The following TRIM14 variants were observed in gnomAD, a reference collection of about 807,000 sequenced individuals.
The protein encoded by TRIM14 is tripartite motif-containing protein 14.
A neutral mutation model predicts 44.5 loss-of-function variants in TRIM14; 28 were observed. The observed-to-expected ratio is 0.63, with a 90% CI of 0.47 to 0.86. The LOEUF (loss-of-function observed/expected upper bound fraction) is 0.86. TRIM14 is among the 40% of genes least tolerant of loss of function. The probability of loss-of-function intolerance (pLI) is 0.00; values close to 1 mark genes in which losing one functional copy is unlikely to be tolerated. For missense variants in TRIM14, 607 were observed against 611.1 expected, an observed-to-expected ratio of 0.99 and a Z score of 0.07; for synonymous variants, 299 against 269.2, an observed-to-expected ratio of 1.11 and a Z score of -1.08.
At position 98,109,995 on chromosome 9, in the gene TRIM14, G is replaced by A. The variant is rs748589724; in HGVS notation, c.208-11C>T. ...TTCTTGGCTGAGTTTCTGTACAGGAGGGAGTTAGGAAAAAAGTCGTAATAC... is the reference window on the plus strand; with the variant it reads ...TTCTTGGCTGAGTTTCTGTACAGGAAGGAGTTAGGAAAAAAGTCGTAATAC... On this transcript the variant is annotated splice_polypyrimidine_tract_variant and intron_variant, in intron 1 of 5. Coordinates refer to ENST00000341469, the MANE Select transcript of TRIM14 (RefSeq NM_014788.4). 4 of 1,611,174 alleles carry A rather than the reference G, an allele frequency of 2.5e-6. No homozygotes were observed. Among genetic ancestry groups the A allele is most frequent in the African/African-American group, 1.3e-5 (1 of 74,802 alleles).
the TRIM14 span, among the ~76,000 whole-genome samples, chr9:98,054,071 A>G: frequency 6.6e-6 from 1 of 152,178 alleles, no homozygotes; most frequent in African/African-American, 2.4e-5. Context: ...GAGGGATGGC[A>G]TCAATGAGTA....
At chr9:98,049,646 G>C in the TRIM14 span, among the ~76,000 whole-genome samples, 1 of 152,174 alleles carries the variant, frequency 6.6e-6, no homozygotes, top group Non-Finnish European at 1.5e-5. Context: ...AGGACAACCA[G>C]AGGTCACTCT....
intron 3 of TRIM14, among the ~76,000 whole-genome samples, chr9:98,099,335 C>G (rs1826302667): frequency 6.6e-6 from 1 of 151,794 alleles, no homozygotes; most frequent in Non-Finnish European, 1.5e-5. Context: ...GCCTGTAATC[C>G]CAGCTACTCA....
intron 1 of TRIM14, among the ~76,000 whole-genome samples, chr9:98,117,661 A>G (rs1402982217): frequency 6.6e-6 from 1 of 152,208 alleles, no homozygotes; most frequent in Non-Finnish European, 1.5e-5. Context: ...TTTTCCTTAA[A>G]AACTTATATG....
At chr9:98,078,417 C>A in intron 6 of TRIM14, 1 of 1,517,030 alleles carries the variant, frequency 6.6e-7, no homozygotes, top group Non-Finnish European at 8.9e-7. Context: ...TTTTTATAAC[C>A]AAAATTCTAA....
chr9:98,050,501 T>G, the TRIM14 span, among the ~76,000 whole-genome samples: 2 of 152,304 alleles, frequency 1.3e-5, no homozygotes, highest in African/African-American at 4.8e-5. Context: ...CTAGGACCTA[T>G]GTGTTCCTTA....
intron 2 of TRIM14, among the ~76,000 whole-genome samples, chr9:98,109,329 T>C (rs1278938411): frequency 6.6e-6 from 1 of 152,038 alleles, no homozygotes; most frequent in Non-Finnish European, 1.5e-5. Flanking sequence ...CAAGGGGAAA[T>C]GACCAGCCCC....
the TRIM14 span, among the ~76,000 whole-genome samples, chr9:98,046,480 T>A: frequency 1.3e-5 from 2 of 152,054 alleles, no homozygotes; most frequent in Non-Finnish European, 2.9e-5. Context: ...TCGTTCTTGT[T>A]GCCCAGGCTG....
chr9:98,060,605 G>A, the TRIM14 span, among the ~76,000 whole-genome samples: 2 of 151,416 alleles, frequency 1.3e-5, no homozygotes, highest in African/African-American at 4.9e-5. Context: ...GGGAGGCATT[G>A]GTTGTAGTGA....
At chr9:98,116,192 C>T (rs1209490646) in intron 1 of TRIM14, 3 of 150,956 alleles carry the variant, frequency 2.0e-5, no homozygotes, top group Non-Finnish European at 4.4e-5. Context: ...GTTCCAGCTA[C>T]TCAGGAAGCT....
At chr9:98,083,537 A>C (rs1297230050), downstream of TRIM14, among the ~76,000 whole-genome samples, 1 of 152,206 alleles carries the variant, frequency 6.6e-6, no homozygotes, top group Non-Finnish European at 1.5e-5. Context: ...TGGTCAAAGG[A>C]TCTTGTAGGC....
chr9:98,043,182 AT>A, the TRIM14 span, among the ~76,000 whole-genome samples: 448 of 144,164 alleles, frequency 3.1e-3, 2 homozygotes, highest in Non-Finnish European at 3.6e-3. Context: ...CTAAATTTGC[AT>A]TTTTTTTTTT....
the TRIM14 span, among the ~76,000 whole-genome samples, chr9:98,043,657 C>G: frequency 0.25 from 38,055 of 151,036 alleles, 5,158 homozygotes; most frequent in Non-Finnish European, 0.3. Context: ...TACACACACA[C>G]AGAGAGAGAT....
chr9:98,040,547 G>C, the TRIM14 span, among the ~76,000 whole-genome samples: 1 of 151,810 alleles, frequency 6.6e-6, no homozygotes, highest in African/African-American at 2.4e-5. Context: ...GCCTATCCTC[G>C]GTCTTTTTCC....
At chr9:98,103,336 C>CA (rs1463616781) in intron 2 of TRIM14, among the ~76,000 whole-genome samples, 1 of 150,230 alleles carries the variant, frequency 6.7e-6, no homozygotes, top group Non-Finnish European at 1.5e-5. Context: ...CATAATAAAA[C>CA]AAAACCTGTA....
chr9:98,108,954 T>G (rs1344832109), intron 2 of TRIM14, among the ~76,000 whole-genome samples: 1 of 149,970 alleles, frequency 6.7e-6, no homozygotes, highest in Non-Finnish European at 1.5e-5. Flanking sequence ...CCTAGGTCAC[T>G]GCAGTCTCAA....
chr9:98,102,045 A>C (rs571342194), intron 2 of TRIM14, among the ~76,000 whole-genome samples: 2 of 152,176 alleles, frequency 1.3e-5, no homozygotes, highest in Non-Finnish European at 2.9e-5. Flanking sequence ...AAAACATTGA[A>C]AAATGGGCGT....
At chr9:98,106,897 G>T (rs890332204) in intron 2 of TRIM14, among the ~76,000 whole-genome samples, 8 of 143,564 alleles carry the variant, frequency 5.6e-5, no homozygotes, top group Non-Finnish European at 6.0e-5. Context: ...TATGGTCATT[G>T]CTCACTGCAA....
intron 4 of TRIM14, among the ~76,000 whole-genome samples, chr9:98,093,349 A>G (rs1482609173): frequency 6.6e-6 from 1 of 152,228 alleles, no homozygotes; most frequent in Non-Finnish European, 1.5e-5. Flanking sequence ...ATAATCGCCA[A>G]GACATACGTG....
Sources: gnomAD v4.1 joint callset for allele counts (sites outside exome capture counted in the v4.1 genomes callset) on GRCh38, gnomAD v4.1.1 for gene constraint, MANE v1.5 for transcripts, NCBI Gene and HGNC (gene_info 2026-07-23, HGNC 2026-07-21) for gene names.